Variants in SYNPR observed in about 807,000 individuals in gnomAD.
SYNPR encodes the protein synaptoporin.
SYNPR carries 23 observed loss-of-function variants against 32.9 expected under a neutral mutation model. The ratio of observed to expected loss-of-function variants is 0.70; its 90% CI spans 0.50 to 0.99. The LOEUF (loss-of-function observed/expected upper bound fraction) is 0.99. Among genes scored for constraint, SYNPR ranks in the 50% least tolerant of loss-of-function variants. The pLI is 0.00. For synonymous variants in SYNPR, 146 were observed against 135.9 expected, an observed-to-expected ratio of 1.07 and a Z score of -0.52; for missense variants, 318 against 349.3, an observed-to-expected ratio of 0.91 and a Z score of 0.71.
At chr3:63,500,743 TTCACTGC>T (rs1280138374) in intron 3 of SYNPR, among the ~76,000 whole-genome samples, 1 of 152,130 alleles carries the variant, frequency 6.6e-6, no homozygotes, top group African/African-American at 2.4e-5. Context: ...TCACTGCTCA[TTCACTGC>T]TTTTGTGGTA....
At chr3:63,427,992 G>GT (rs1193999906) in intron 2 of SYNPR, among the ~76,000 whole-genome samples, 6 of 152,126 alleles carry the variant, frequency 3.9e-5, no homozygotes, top group Non-Finnish European at 4.4e-5. Context: ...CTAAGCACTA[G>GT]TTTTTTTTAA....
intron 5 of SYNPR, among the ~76,000 whole-genome samples, chr3:63,613,548 T>C (rs2106910006): frequency 7.0e-6 from 1 of 143,160 alleles, no homozygotes. Context: ...GAGTCTTGAT[T>C]TTGGCTATTG....
At chr3:63,552,318 A>T (rs1702517242) in intron 3 of SYNPR, among the ~76,000 whole-genome samples, 2 of 152,206 alleles carry the variant, frequency 1.3e-5, no homozygotes, top group Admixed American at 1.3e-4. Context: ...AATAATTGAC[A>T]TGATTACCTT....
At chr3:63,503,700 A>G (rs986567272) in intron 3 of SYNPR, among the ~76,000 whole-genome samples, 5 of 152,068 alleles carry the variant, frequency 3.3e-5, no homozygotes, top group African/African-American at 9.7e-5. Context: ...TTCTAACAAA[A>G]CATTTAAGGG....
Position 63,431,019 on chromosome 3 carries a change from A to T in SYNPR, c.85-49813A>T, listed in dbSNP as rs575995479. The stretch of plus-strand genomic sequence containing the variant: ...GAAAGTGGCCTTTCAGCAGAGTGAG[A>T]TATGGGCATTTGCTTCTAAAACTGG... On this transcript the variant is annotated intron_variant, in intron 2 of 5. Transcript: ENST00000478300. 2.0e-5 allele frequency among the ~76,000 whole-genome samples: 3 copies of T among 152,292 alleles called. No individual in the cohort carries two copies. In the South Asian group the frequency reaches 6.2e-4, roughly 32 times the overall value.
At position 63,230,688 on chromosome 3, in the gene SYNPR, A is replaced by G. The variant is rs547108920; in HGVS notation, n.66+2308A>G. On this transcript the variant is annotated intron_variant and non_coding_transcript_variant, in intron 1 of 4. Transcript: ENST00000478456. ...AAGACTTCTACCTCTAGTTTGTAAT[A>G]TTAACTAATGACCTCACCTGAGCCT... Among the ~76,000 whole-genome samples, 4 of 152,324 alleles carry G rather than the reference A, an allele frequency of 2.6e-5. No individual in the cohort carries two copies. The East Asian group carries it at 7.7e-4, about 29-fold the overall frequency.
At chr3:63,343,907 T>C (rs1360940575) in intron 2 of SYNPR, among the ~76,000 whole-genome samples, 1 of 152,206 alleles carries the variant, frequency 6.6e-6, no homozygotes, top group East Asian at 1.9e-4. Flanking sequence ...CAATTCGTAT[T>C]CTCTGTGTCT....
intron 2 of SYNPR, among the ~76,000 whole-genome samples, chr3:63,259,538 A>G (rs536048787): frequency 2.6e-5 from 4 of 152,328 alleles, no homozygotes; most frequent in African/African-American, 9.6e-5. Flanking sequence ...TCATGCTAAA[A>G]ACTCTCAATA....
intron 2 of SYNPR, among the ~76,000 whole-genome samples, chr3:63,452,335 G>A (rs911852724): frequency 4.6e-5 from 7 of 152,096 alleles, no homozygotes; most frequent in Non-Finnish European, 1.0e-4. Flanking sequence ...TATAGTAAGT[G>A]CTAAAAATAA....
At position 63,609,230 on chromosome 3, in the gene SYNPR, T is replaced by C. The variant is rs1404440891; in HGVS notation, c.514T>C (p.Leu172=). 7 of 1,608,758 alleles carry C rather than the reference T, an allele frequency of 4.4e-6. No individual in the cohort carries two copies. The highest frequency in any genetic ancestry group is 1.1e-5 in the South Asian group (1 of 89,734). Residue 172 remains leucine, a synonymous_variant, in exon 5 of 6, where the codon TTG becomes CTG. Coordinates refer to ENST00000478300, the MANE Select transcript of SYNPR (RefSeq NM_001130003.2). ...AGTTGCAACGGATCCCAAGGAAGTATTGCTACTAATGTCAGCTTGCAAACA... is the reference window on the plus strand; with the variant it reads ...AGTTGCAACGGATCCCAAGGAAGTACTGCTACTAATGTCAGCTTGCAAACA... ...VKVATDPKEV[L]LLMSACKQPS... is the part of the protein sequence containing the mutation.
At chr3:63,259,720 C>A (rs1389714914) in intron 2 of SYNPR, among the ~76,000 whole-genome samples, 2 of 152,112 alleles carry the variant, frequency 1.3e-5, no homozygotes, top group Non-Finnish European at 2.9e-5. Flanking sequence ...GAAGTTCTGG[C>A]CAGGGCAATC....
chr3:63,523,790 C>T (rs550133412), intron 3 of SYNPR, among the ~76,000 whole-genome samples: 34 of 152,278 alleles, frequency 2.2e-4, no homozygotes, highest in African/African-American at 8.2e-4. Flanking sequence ...CCCCTGCTCA[C>T]TATGATTTCA....
intron 2 of SYNPR, among the ~76,000 whole-genome samples, chr3:63,421,280 A>G (rs1245906822): frequency 1.3e-5 from 2 of 152,198 alleles, no homozygotes; most frequent in African/African-American, 4.8e-5. Flanking sequence ...AAATTAAAAT[A>G]AGAGAAATAA....
chr3:63,461,758 A>T (rs1273145763), intron 2 of SYNPR, among the ~76,000 whole-genome samples: 1 of 151,900 alleles, frequency 6.6e-6, no homozygotes, highest in African/African-American at 2.4e-5. Context: ...CTTATTCTGC[A>T]TGTGATGTTA....
the SYNPR span, among the ~76,000 whole-genome samples, chr3:63,204,346 C>CA: frequency 2.0e-5 from 3 of 152,190 alleles, no homozygotes; most frequent in African/African-American, 7.2e-5. Context: ...AAGCACAACT[C>CA]AGACCTCTCC....
At chr3:63,556,495 T>C in intron 3 of SYNPR, 48 bp from the exon 4 acceptor site, 4 of 1,514,194 alleles carry the variant, frequency 2.6e-6, no homozygotes, top group South Asian at 2.5e-5. Flanking sequence ...TCATGTATTT[T>C]TGTCTCCATT....
At chr3:63,545,974 C>G (rs989707998) in intron 3 of SYNPR, among the ~76,000 whole-genome samples, 1 of 152,072 alleles carries the variant, frequency 6.6e-6, no homozygotes, top group Non-Finnish European at 1.5e-5. Context: ...GATGAATAAG[C>G]CGTTGTCAAC....
chr3:63,569,359 C>G (rs985235677), intron 4 of SYNPR, among the ~76,000 whole-genome samples: 1 of 152,088 alleles, frequency 6.6e-6, no homozygotes, highest in South Asian at 2.1e-4. Context: ...TAACCTGTGA[C>G]CTCTTATCTG....
At chr3:63,277,396 A>C (rs1422669354), upstream of SYNPR, among the ~76,000 whole-genome samples, 1 of 152,198 alleles carries the variant, frequency 6.6e-6, no homozygotes, top group Non-Finnish European at 1.5e-5. Context: ...CTAAGAGTAA[A>C]CAACGTGAAC....
Sources: gnomAD v4.1 joint callset for allele counts (sites outside exome capture counted in the v4.1 genomes callset) on GRCh38, gnomAD v4.1.1 for gene constraint, MANE v1.5 for transcripts, NCBI Gene and HGNC (gene_info 2026-07-23, HGNC 2026-07-21) for gene names.